The following DSTN variants were observed in gnomAD, a reference collection of about 807,000 sequenced individuals.
DSTN encodes the protein destrin, actin depolymerizing factor.
DSTN carries 10 observed loss-of-function variants against 16.8 expected under a neutral mutation model. That is an observed-to-expected ratio of 0.60 (90% CI 0.37 to 1.01). The LOEUF (loss-of-function observed/expected upper bound fraction) is 1.01. Ranked by LOEUF, DSTN falls within the 50% of genes least tolerant of loss-of-function variation. The pLI, the probability that DSTN is intolerant of heterozygous loss-of-function variation, is 0.01. For missense variants in DSTN, 141 were observed against 196.7 expected, an observed-to-expected ratio of 0.72 and a Z score of 1.69; for synonymous variants, 57 against 58.9, an observed-to-expected ratio of 0.97 and a Z score of 0.14.
Position 17,609,445 on chromosome 20 carries a change from T to TA in DSTN, c.*2302dup, listed in dbSNP as rs935134445. On this transcript the variant is annotated 3_prime_UTR_variant, in exon 4 of 4. Transcript: ENST00000246069. The stretch of plus-strand genomic sequence containing the variant: ...CGTACTCAAAAGTCAGCCATGTAGG[T>TA]AAAGCAAGATATTTGGTCAAGGAGT... 13 of 152,218 alleles carry TA rather than the reference T, an allele frequency of 8.5e-5. No individual in the cohort carries two copies. Among genetic ancestry groups the TA allele is most frequent in the Admixed American group, 3.3e-4 (5 of 15,282 alleles). 9.4% of individuals were successfully genotyped at this position (152,218 alleles called of 1,614,324 possible).
intron 1 of DSTN, 44 bp downstream of exon 1, chr20:17,570,255 G>A: frequency 6.8e-7 from 1 of 1,476,294 alleles, no homozygotes; most frequent in Non-Finnish European, 9.0e-7. Context: ...GCGGCCGGGA[G>A]CAGTGTGTCT....
At chr20:17,587,288 A>C (rs1173089931) in intron 1 of DSTN, among the ~76,000 whole-genome samples, 1 of 151,036 alleles carries the variant, frequency 6.6e-6, no homozygotes, top group Non-Finnish European at 1.5e-5. Context: ...TTTTTTTGAG[A>C]CAGGGTCTTG....
intron 3 of DSTN, among the ~76,000 whole-genome samples, 160 bp downstream of exon 3, chr20:17,604,791 A>G (rs184066574): frequency 2.0e-5 from 3 of 152,330 alleles, no homozygotes; most frequent in Admixed American, 1.3e-4. Context: ...TTGACTTTCC[A>G]TGTATCTTCT....
chr20:17,591,993 T>A, intron 1 of DSTN: 1 of 985,458 alleles, frequency 1.0e-6, no homozygotes, highest in Non-Finnish European at 1.2e-6. Flanking sequence ...TGAGAGGAGA[T>A]ACACAGGCAC....
At chr20:17,602,188 G>A (rs1266006039) in intron 2 of DSTN, among the ~76,000 whole-genome samples, 1 of 152,196 alleles carries the variant, frequency 6.6e-6, no homozygotes, top group Non-Finnish European at 1.5e-5. Context: ...GCAAATATGA[G>A]GTCAGGGTGC....
Position 17,609,564 on chromosome 20 carries a change from A to G in DSTN, c.*2418A>G, listed in dbSNP as rs1350025655. 6.6e-6 allele frequency: 1 copy of G among 152,234 alleles called. No homozygotes were observed. The highest frequency in any genetic ancestry group is 1.5e-5 in the Non-Finnish European group (1 of 68,044). The allele number at this position is 152,234 out of a possible 1,614,324, so 9.4% of individuals were successfully genotyped here. A position where few individuals can be genotyped will look rare whatever the true frequency, so the allele number is the denominator to read the frequency against. ...CTGTGGGAAGGATTTCAAACAGTACAAAGGGATGTGATGTAAGCATCCAGA... is the reference window on the plus strand; with the variant it reads ...CTGTGGGAAGGATTTCAAACAGTACGAAGGGATGTGATGTAAGCATCCAGA... On this transcript the variant is annotated 3_prime_UTR_variant, in exon 4 of 4. Transcript: ENST00000246069.
At chr20:17,586,012 A>G (rs1220304251) in intron 1 of DSTN, among the ~76,000 whole-genome samples, 3 of 151,744 alleles carry the variant, frequency 2.0e-5, no homozygotes, top group African/African-American at 4.8e-5. Flanking sequence ...GACAAAAAAG[A>G]AGAGAGAGAG....
At chr20:17,572,530 C>T (rs572260684) in intron 1 of DSTN, among the ~76,000 whole-genome samples, 3 of 152,094 alleles carry the variant, frequency 2.0e-5, no homozygotes, top group Non-Finnish European at 4.4e-5. Flanking sequence ...TAGTCTTGCC[C>T]CTGAAGTAGA....
At chr20:17,587,514 C>T (rs1380403503) in intron 1 of DSTN, among the ~76,000 whole-genome samples, 9 of 151,794 alleles carry the variant, frequency 5.9e-5, no homozygotes, top group Non-Finnish European at 1.3e-4. Flanking sequence ...GGAATAGGTA[C>T]TTTAAAAAAA....
At chr20:17,571,933 A>C (rs1441440851) in intron 1 of DSTN, among the ~76,000 whole-genome samples, 2 of 152,190 alleles carry the variant, frequency 1.3e-5, no homozygotes, top group Admixed American at 1.3e-4. Flanking sequence ...GATCAAGAAG[A>C]CCTTACAAGT....
chr20:17,577,359 T>G (rs2035290458), intron 1 of DSTN, among the ~76,000 whole-genome samples: 1 of 152,096 alleles, frequency 6.6e-6, no homozygotes, highest in South Asian at 2.1e-4. Flanking sequence ...CTCAAATCAT[T>G]GTAAGAATCT....
chr20:17,571,188 C>T (rs926348473), intron 1 of DSTN, among the ~76,000 whole-genome samples: 6 of 152,196 alleles, frequency 3.9e-5, no homozygotes, highest in African/African-American at 1.4e-4. Flanking sequence ...AACATTTTGT[C>T]GTTTTCGTTA....
chr20:17,599,711 T>A (rs887604239), intron 1 of DSTN: 2 of 152,230 alleles, frequency 1.3e-5, no homozygotes, highest in Non-Finnish European at 2.9e-5. Context: ...ACATTGGGCA[T>A]ATACTCCTTA....
chr20:17,597,249 C>G (rs1365300350), intron 1 of DSTN, among the ~76,000 whole-genome samples: 1 of 152,118 alleles, frequency 6.6e-6, no homozygotes, highest in Non-Finnish European at 1.5e-5. Flanking sequence ...TATGAGTTTT[C>G]TAGTCCTAAT....
intron 3 of DSTN, among the ~76,000 whole-genome samples, chr20:17,606,408 T>A (rs2122214354): frequency 6.6e-6 from 1 of 152,370 alleles, no homozygotes; most frequent in East Asian, 1.9e-4. Flanking sequence ...ATCGATTTCA[T>A]AAATGTGTAG....
At chr20:17,570,245 G>A (rs1484885821) in intron 1 of DSTN, 34 bp downstream of exon 1, 4 of 1,484,982 alleles carry the variant, frequency 2.7e-6, no homozygotes, top group Non-Finnish European at 1.8e-6. Context: ...GTGGGCCGAG[G>A]CGGCCGGGAG....
At chr20:17,572,207 T>A (rs1222312410) in intron 1 of DSTN, among the ~76,000 whole-genome samples, 1 of 152,222 alleles carries the variant, frequency 6.6e-6, no homozygotes, top group African/African-American at 2.4e-5. Context: ...TAGAAGCACC[T>A]GAAATAAAGC....
chr20:17,578,453 A>C (rs891946832), intron 1 of DSTN, among the ~76,000 whole-genome samples: 1 of 152,210 alleles, frequency 6.6e-6, no homozygotes, highest in Non-Finnish European at 1.5e-5. Context: ...CCCTTTGTAT[A>C]CTGCATGATA....
At position 17,595,347 on chromosome 20, in the gene DSTN, A is replaced by G. The variant is rs372581385; in HGVS notation, c.4-5391A>G. Among the ~76,000 whole-genome samples, 6 of 152,242 alleles carry G rather than the reference A, an allele frequency of 3.9e-5. No individual in the cohort carries two copies. The East Asian group carries it at 7.7e-4, about 20-fold the overall frequency. On this transcript the variant is annotated intron_variant, in intron 1 of 3. Coordinates refer to ENST00000246069, the MANE Select transcript of DSTN (RefSeq NM_006870.4). The stretch of plus-strand genomic sequence containing the variant: ...AGAGAAAATAGAATCTTTCAGACAC[A>G]ATTTTTGGCAGTGTATCTTCCTTCC...
Sources: gnomAD v4.1 joint callset for allele counts (sites outside exome capture counted in the v4.1 genomes callset) on GRCh38, gnomAD v4.1.1 for gene constraint, MANE v1.5 for transcripts, NCBI Gene and HGNC (gene_info 2026-07-23, HGNC 2026-07-21) for gene names.